Variants in ECPAS observed in about 807,000 individuals in gnomAD.
ECPAS encodes Ecm29 proteasome adaptor and scaffold.
A neutral mutation model predicts 255.1 loss-of-function variants in ECPAS; 70 were observed. That is an observed-to-expected ratio of 0.27 (90% CI 0.23 to 0.33). The LOEUF is 0.33. Ranked by LOEUF, ECPAS falls within the 10% of genes least tolerant of loss-of-function variation. ECPAS has a pLI of 1.00. For missense variants in ECPAS, 1,817 were observed against 2,206.4 expected, an observed-to-expected ratio of 0.82 and a Z score of 3.54; for synonymous variants, 784 against 775.0, an observed-to-expected ratio of 1.01 and a Z score of -0.19.
chr9:111,455,599 G>T (rs985278175), intron 2 of ECPAS, among the ~76,000 whole-genome samples: 2 of 152,208 alleles, frequency 1.3e-5, no homozygotes, highest in African/African-American at 4.8e-5. Context: ...GCTAAGAGTG[G>T]TTCATTGTGC....
chr9:111,421,407 A>ATG (rs1554790357), intron 15 of ECPAS, among the ~76,000 whole-genome samples: 74 of 127,414 alleles, frequency 5.8e-4, no homozygotes, highest in African/African-American at 2.3e-3. Context: ...CATATTACAT[A>ATG]TATGTGTGTG....
intron 28 of ECPAS, among the ~76,000 whole-genome samples, chr9:111,392,442 C>T (rs1003818431): frequency 2.0e-5 from 3 of 152,216 alleles, no homozygotes; most frequent in South Asian, 2.1e-4. Flanking sequence ...ACACTCTTCA[C>T]GGGTTAGACT....
chr9:111,408,706 G>C (rs1457532378), intron 23 of ECPAS, 34 bp from the exon 24 acceptor site: 2 of 1,362,186 alleles, frequency 1.5e-6, no homozygotes, highest in African/African-American at 2.9e-5. Context: ...CTTTTAAACA[G>C]AGTATATAAT....
At chr9:111,414,824 A>C (rs1397773608) in intron 18 of ECPAS, among the ~76,000 whole-genome samples, 173 bp from the exon 19 acceptor site, 1 of 152,270 alleles carries the variant, frequency 6.6e-6, no homozygotes, top group Non-Finnish European at 1.5e-5. Flanking sequence ...TTTGTATAAT[A>C]AGGTTTGCAA....
At chr9:111,400,453 A>G (rs532565653) in intron 24 of ECPAS, among the ~76,000 whole-genome samples, 18 of 152,360 alleles carry the variant, frequency 1.2e-4, no homozygotes, top group South Asian at 4.1e-4. Context: ...CCAGTGACCA[A>G]TCCTGGAGTG....
At chr9:111,444,237 TTA>T in intron 4 of ECPAS, 139 bp downstream of exon 4, 1 of 578,278 alleles carries the variant, frequency 1.7e-6, no homozygotes, top group Non-Finnish European at 3.0e-6. Context: ...AGTGTGTCAT[TTA>T]AAAAAAAAAA....
chr9:111,483,869 C>T (rs1013753721), intron 1 of ECPAS: 6 of 462,090 alleles, frequency 1.3e-5, no homozygotes, highest in Middle Eastern at 1.1e-3. Context: ...GCCGCGCTCG[C>T]CCAACTCACG....
intron 1 of ECPAS, among the ~76,000 whole-genome samples, chr9:111,483,133 G>A (rs1030684123): frequency 1.3e-5 from 2 of 152,126 alleles, no homozygotes; most frequent in African/African-American, 2.4e-5. Flanking sequence ...GGGGCCAGGC[G>A]GGGTCAGACG....
At chr9:111,451,797 C>A (rs1030279075) in intron 2 of ECPAS, among the ~76,000 whole-genome samples, 1 of 152,160 alleles carries the variant, frequency 6.6e-6, no homozygotes, top group Non-Finnish European at 1.5e-5. Flanking sequence ...TTCTCTCCCA[C>A]ATGCAACGTT....
In ECPAS at chr9:111,390,005, A is replaced by G. The variant is rs1287330449; in HGVS notation, c.3258T>C (p.His1086=). 1.3e-6 allele frequency: 2 copies of G among 1,598,278 alleles called. No individual in the cohort carries two copies. The highest frequency in any genetic ancestry group is 1.7e-6 in the Non-Finnish European group (2 of 1,168,062). The change falls in exon 30 of 50, where the codon CAT becomes CAC. Residue 1086 remains histidine (H), a synonymous_variant. Coordinates refer to ENST00000684092, the MANE Select transcript of ECPAS (RefSeq NM_001364929.1). ...VYKFMNLANH[H]AMWNSRKGAA... Reference sequence around the variant, plus strand: ...TTACCTTCCTAGAGTTCCACATTGCATGATGGTTGGCTAAATTCATAAATT... The same window carrying G: ...TTACCTTCCTAGAGTTCCACATTGCGTGATGGTTGGCTAAATTCATAAATT...
Position 111,484,382 on chromosome 9 carries a change from T to C in ECPAS, c.-349A>G, listed in dbSNP as rs764484664. 14 of 1,611,678 alleles carry C rather than the reference T, an allele frequency of 8.7e-6. No individual in the cohort carries two copies. The East Asian group carries it at 2.7e-4, about 31-fold the overall frequency. ...CCTGTCCAAAGGAAGAGACGTGGAC[T>C]CAGAAAAGTAGAGCCGGGCTCGGAG... On this transcript the variant is annotated 5_prime_UTR_variant, in exon 1 of 50. Coordinates refer to ENST00000684092, the MANE Select transcript of ECPAS (RefSeq NM_001364929.1).
At chr9:111,440,731 G>C (rs1239227162) in intron 5 of ECPAS, among the ~76,000 whole-genome samples, 1 of 152,134 alleles carries the variant, frequency 6.6e-6, no homozygotes, top group Non-Finnish European at 1.5e-5. Context: ...GTGATGATTA[G>C]CATTTAGCCA....
intron 35 of ECPAS, 79 bp from the exon 36 acceptor site, chr9:111,378,809 C>G (rs1188006390): frequency 7.6e-7 from 1 of 1,319,708 alleles, no homozygotes; most frequent in East Asian, 2.5e-5. Context: ...TGAGGATGTT[C>G]TGCAGTTCAC....
chr9:111,481,115 T>C lies in ECPAS; in HGVS notation c.-83+3001A>G, dbSNP rs1057325544. Among the ~76,000 whole-genome samples, 4 of 152,136 alleles carry C rather than the reference T, an allele frequency of 2.6e-5. No homozygotes were observed. The South Asian group carries it at 6.2e-4, about 24-fold the overall frequency. On this transcript the variant is annotated intron_variant, in intron 1 of 49. Coordinates refer to ENST00000684092, the MANE Select transcript of ECPAS (RefSeq NM_001364929.1). ...CCAACAGGATGGTTACTACTGACAATATAGATAAGTGTCGGCCAGGATATA... is the reference window on the plus strand; with the variant it reads ...CCAACAGGATGGTTACTACTGACAACATAGATAAGTGTCGGCCAGGATATA...
At chr9:111,474,321 T>C (rs540208480) in intron 1 of ECPAS, among the ~76,000 whole-genome samples, 8 of 152,312 alleles carry the variant, frequency 5.3e-5, no homozygotes, top group African/African-American at 1.4e-4. Context: ...TCAGGTCAGA[T>C]TTAGATTCAT....
chr9:111,431,876 C>T (rs955731688), intron 8 of ECPAS, among the ~76,000 whole-genome samples: 2 of 152,208 alleles, frequency 1.3e-5, no homozygotes, highest in African/African-American at 4.8e-5. Flanking sequence ...AGATATGATT[C>T]ACCTACATCT....
intron 48 of ECPAS, among the ~76,000 whole-genome samples, chr9:111,365,323 T>TCATCATCATCAC (rs903026856): frequency 6.7e-6 from 1 of 148,328 alleles, no homozygotes; most frequent in African/African-American, 2.5e-5. Flanking sequence ...ATCATCATCA[T>TCATCATCATCAC]CACCTGGACT....
At chr9:111,467,356 G>C (rs551959859) in intron 2 of ECPAS, among the ~76,000 whole-genome samples, 186 of 152,306 alleles carry the variant, frequency 1.2e-3, no homozygotes, top group African/African-American at 4.2e-3. Flanking sequence ...AAAAGGAATA[G>C]AGAAAGGATT....
chr9:111,386,533 G>C, intron 31 of ECPAS, 77 bp from the exon 32 acceptor site: 1 of 831,726 alleles, frequency 1.2e-6, no homozygotes, highest in East Asian at 2.6e-5. Flanking sequence ...AACCACACTG[G>C]TTAACCACAC....
Sources: gnomAD v4.1 joint callset for allele counts (sites outside exome capture counted in the v4.1 genomes callset) on GRCh38, gnomAD v4.1.1 for gene constraint, MANE v1.5 for transcripts, NCBI Gene and HGNC (gene_info 2026-07-23, HGNC 2026-07-21) for gene names.